Variants in ABCG2 observed in about 807,000 individuals in gnomAD.
The protein encoded by ABCG2 is broad substrate specificity ATP-binding cassette transporter ABCG2.
ABCG2 carries 80 observed loss-of-function variants against 73.5 expected under a neutral mutation model. That is an observed-to-expected ratio of 1.09 (90% confidence interval 0.91 to 1.31). The LOEUF is 1.31. Ranked by LOEUF, ABCG2 falls within the 50% of genes most tolerant of loss-of-function variation. The pLI, the probability that ABCG2 is intolerant of heterozygous loss-of-function variation, is 0.00. For synonymous variants in ABCG2, 269 were observed against 282.4 expected (o/e 0.95, Z 0.48); for missense variants, 796 against 786.2 (o/e 1.01, Z -0.15).
At chr4:88,135,338 G>C (rs931540960) in intron 2 of ABCG2, among the ~76,000 whole-genome samples, 2 of 152,128 alleles carry the variant, frequency 1.3e-5, no homozygotes, top group Non-Finnish European at 2.9e-5. Flanking sequence ...ACACCCTCCT[G>C]CCCATGACAT....
intron 1 of ABCG2, among the ~76,000 whole-genome samples, chr4:88,174,917 G>C (rs1426190567): frequency 1.3e-5 from 2 of 152,198 alleles, no homozygotes; most frequent in East Asian, 3.8e-4. Flanking sequence ...AAGGTGTAAG[G>C]AAGGAGTCCA....
At chr4:88,111,902 C>G (rs1578186130) in intron 9 of ABCG2, among the ~76,000 whole-genome samples, 1 of 152,010 alleles carries the variant, frequency 6.6e-6, no homozygotes, top group African/African-American at 2.4e-5. Flanking sequence ...ACCAGGACAA[C>G]ATAGTGAGAC....
chr4:88,186,677 T>G (rs570377709), intron 1 of ABCG2, among the ~76,000 whole-genome samples: 2 of 151,610 alleles, frequency 1.3e-5, no homozygotes, highest in African/African-American at 2.4e-5. Context: ...CCCAGCACTT[T>G]GGGAGGCCGA....
rs116557695 is a variant in ABCG2 at position 88,169,046 on chromosome 4, C to A, written c.-19-29032G>T. Among the ~76,000 whole-genome samples, 915 of 138,866 alleles carry A rather than the reference C, an allele frequency of 6.6e-3. 7 individuals carry two copies. The highest frequency in any genetic ancestry group is 0.026 in the Middle Eastern group (7 of 270). 91.1% of individuals were successfully genotyped at this position (138,866 alleles called of 152,430 possible). On this transcript the variant is annotated intron_variant, in intron 1 of 15. Coordinates refer to the ABCG2 transcript ENST00000515655. ...AACTGTATATAAATGAAGTAGTTAT[C>A]TTTTTTTTTTTTTTTTTGAGACAAG...
At chr4:88,202,457 G>A (rs1403441654) in intron 1 of ABCG2, among the ~76,000 whole-genome samples, 1 of 148,076 alleles carries the variant, frequency 6.8e-6, no homozygotes, top group Non-Finnish European at 1.5e-5. Flanking sequence ...GGAAAGATTA[G>A]GCTTGCAGAC....
intron 1 of ABCG2, among the ~76,000 whole-genome samples, chr4:88,190,388 A>G (rs2110106779): frequency 6.6e-6 from 1 of 152,340 alleles, no homozygotes; most frequent in Admixed American, 6.5e-5. Context: ...GCCTTCAGAA[A>G]TGCTCTATAA....
chr4:88,136,739 G>C (rs1302628998), intron 2 of ABCG2, among the ~76,000 whole-genome samples: 1 of 151,144 alleles, frequency 6.6e-6, no homozygotes, highest in Non-Finnish European at 1.5e-5. Context: ...AAAGAGGCTG[G>C]GCACGGTGGC....
intron 1 of ABCG2, among the ~76,000 whole-genome samples, chr4:88,188,729 T>A (rs1728565676): frequency 6.6e-6 from 1 of 152,186 alleles, no homozygotes; most frequent in South Asian, 2.1e-4. Flanking sequence ...ATTTTAGATC[T>A]TCCAGGCTGC....
At chr4:88,213,063 A>G (rs1425072536) in intron 1 of ABCG2, among the ~76,000 whole-genome samples, 4 of 152,068 alleles carry the variant, frequency 2.6e-5, no homozygotes, top group African/African-American at 7.2e-5. Flanking sequence ...CACCGCACCC[A>G]GCTAATTTTT....
intron 1 of ABCG2, among the ~76,000 whole-genome samples, chr4:88,211,164 G>T (rs976420264): frequency 5.9e-5 from 9 of 151,868 alleles, no homozygotes; most frequent in Non-Finnish European, 1.3e-4. Context: ...TAATTAAGGA[G>T]AGGATGTGCT....
At chr4:88,166,810 G>A (rs1343582146) in intron 1 of ABCG2, among the ~76,000 whole-genome samples, 1 of 152,156 alleles carries the variant, frequency 6.6e-6, no homozygotes, top group Non-Finnish European at 1.5e-5. Flanking sequence ...AGCGAAGCCA[G>A]GAATAGACAG....
intron 1 of ABCG2, among the ~76,000 whole-genome samples, chr4:88,152,512 T>G (rs543105633): frequency 6.6e-6 from 1 of 151,590 alleles, no homozygotes; most frequent in Non-Finnish European, 1.5e-5. Flanking sequence ...TGGGCAGGGG[T>G]GGGGCGTCAC....
intron 1 of ABCG2, among the ~76,000 whole-genome samples, chr4:88,214,295 C>A (rs1389028465): frequency 6.6e-6 from 1 of 151,984 alleles, no homozygotes. Flanking sequence ...TTTCCCCCAT[C>A]CTCAAAAATA....
chr4:88,093,639 AC>A (rs1258504735), intron 15 of ABCG2, among the ~76,000 whole-genome samples: 1 of 151,722 alleles, frequency 6.6e-6, no homozygotes, highest in Non-Finnish European at 1.5e-5. Context: ...CATCCTGACC[AC>A]CCTGATCAAG....
chr4:88,093,759 G>C (rs184412283), intron 15 of ABCG2, among the ~76,000 whole-genome samples: 27 of 152,140 alleles, frequency 1.8e-4, no homozygotes, highest in Non-Finnish European at 3.5e-4. Context: ...TATTCTACTT[G>C]AACATTCAGG....
chr4:88,146,285 C>T (rs1255701513), intron 1 of ABCG2, among the ~76,000 whole-genome samples: 4 of 151,662 alleles, frequency 2.6e-5, no homozygotes, highest in African/African-American at 7.3e-5. Flanking sequence ...AGAAATTAAA[C>T]TGGCAATAGA....
intron 1 of ABCG2, among the ~76,000 whole-genome samples, chr4:88,157,580 A>G (rs571525914): frequency 6.6e-6 from 1 of 152,348 alleles, no homozygotes; most frequent in Non-Finnish European, 1.5e-5. Context: ...TATAAAATAA[A>G]TAATAAAATA....
In ABCG2 at chr4:88,113,390, G is replaced by A. The variant is rs757433011; in HGVS notation, c.1107C>T (p.Tyr369=). The part of the protein sequence containing the change: ...KKITVFKEIS[Y]TTSFCHQLRW... ...TGAGTTGATGACAGAAGGAGGTGGT[G>A]TAGCTGATCTCCTTGAAGACTGTGA... The change falls in exon 9 of 16, where the codon TAC becomes TAT. Residue 369 remains tyrosine (Y), a synonymous_variant. Transcript: ENST00000237612. 8 of 1,614,052 alleles carry A rather than the reference G, an allele frequency of 5.0e-6. No homozygotes were observed. Among genetic ancestry groups the A allele is most frequent in the South Asian group, 1.1e-5 (1 of 91,086 alleles).
intron 1 of ABCG2, among the ~76,000 whole-genome samples, chr4:88,165,134 C>A (rs1318349803): frequency 2.0e-5 from 3 of 152,140 alleles, no homozygotes. Context: ...CATAACTATA[C>A]TTTCTCTCTG....
Sources: allele counts gnomAD v4.1 joint callset (sites outside exome capture counted in the v4.1 genomes callset), GRCh38; gene constraint gnomAD v4.1.1; transcripts MANE v1.5; gene names NCBI Gene and HGNC (gene_info 2026-07-23, HGNC 2026-07-21).